Variants in GSTM5 observed in about 807,000 individuals in gnomAD.
The protein encoded by GSTM5 is GST class-mu 5.
Under a neutral mutation model 29.0 loss-of-function variants are expected in GSTM5, and 24 were observed. That is an observed-to-expected ratio of 0.83 (90% CI 0.60 to 1.16). The LOEUF (loss-of-function observed/expected upper bound fraction) is 1.16, where lower values mean the gene tolerates loss of function less well. Ranked by LOEUF, GSTM5 falls within the 50% of genes most tolerant of loss-of-function variation. The pLI is 0.00. For synonymous variants in GSTM5, 91 were observed against 93.6 expected (o/e 0.97, Z 0.16); for missense variants, 290 against 263.0 (o/e 1.10, Z -0.71).
chr1:109,712,619 T>C lies in GSTM5; in HGVS notation c.38T>C (p.Leu13Pro), dbSNP rs61734547. ...MTLGYWDIRG[L>P]AHAIRLLLEY... is the part of the protein sequence containing the mutation. ...CGAGCCGCGGGCCATCTCTCCCAGC[T>C]GGCCCACGCCATCCGCTTGCTCCTG... The change falls in exon 2 of 8, where the codon CTG becomes CCG. Residue 13 changes from leucine (L) to proline (P), a missense_variant and splice_region_variant. Physicochemically the swap from Leu to Pro is moderately conservative, Grantham distance 98. Coordinates refer to ENST00000256593, the MANE Select transcript of GSTM5 (RefSeq NM_000851.4). The C allele has an allele frequency of 3.1e-6, 5 of 1,613,824 alleles. No homozygotes were observed. The highest frequency in any genetic ancestry group is 1.7e-4 in the Middle Eastern group (1 of 5,990).
chr1:109,715,479 G>T, intron 7 of GSTM5: 1 of 1,501,770 alleles, frequency 6.7e-7, no homozygotes, highest in Admixed American at 2.2e-5. Context: ...GAATGAGAGG[G>T]TCAGTCCTTT....
intron 1 of GSTM5, 66 bp from the exon 2 acceptor site, chr1:109,712,552 T>C (rs929166): frequency 6.4e-7 from 1 of 1,570,686 alleles, no homozygotes; most frequent in South Asian, 1.1e-5. Context: ...GCTGGCCTGG[T>C]GCAGAGAAAG....
At position 109,717,476 on chromosome 1, in the gene GSTM5, C is replaced by A. The variant is rs764970372; in HGVS notation, c.*50C>A. 3.0e-6 allele frequency: 4 copies of A among 1,329,864 alleles called. No individual in the cohort carries two copies. In the African/African-American group the frequency reaches 4.3e-5, roughly 14 times the overall value. The allele number at this position is 1,329,864 out of a possible 1,614,324, so 82.4% of individuals were successfully genotyped here. ...AGGGAGGAGCCAACCTTGCTGCCTG[C>A]GACCCTGGAGGACAGCCTGACTCCC... On this transcript the variant is annotated 3_prime_UTR_variant, in exon 8 of 8. Transcript: ENST00000256593.
In GSTM5 at chr1:109,715,233, G is replaced by T; in HGVS notation, c.560G>T (p.Arg187Leu). ...CTAAACTTGAAGGACTTCATCTCCC[G>T]CTTTGAGGTGATGCCCCCATCCTCC... is the stretch of plus-strand genomic sequence containing the variant. ...AFLNLKDFIS[R>L]FEGLKKISAY... The change falls in exon 7 of 8, where the codon CGC becomes CTC. Residue 187 changes from arginine (R) to leucine (L), a missense_variant. Transcript: ENST00000256593. 1 of 1,614,162 alleles carries T rather than the reference G, an allele frequency of 6.2e-7. No individual in the cohort carries two copies.
At chr1:109,712,500 G>A (rs1570648765) in intron 1 of GSTM5, 118 bp from the exon 2 acceptor site, 1 of 1,319,226 alleles carries the variant, frequency 7.6e-7, no homozygotes, top group East Asian at 2.3e-5. Context: ...GGGGGTGGGG[G>A]CGGGTAGAGG....
chr1:109,714,916 T>G, intron 5 of GSTM5, 31 bp from the exon 6 acceptor site: 1 of 1,612,038 alleles, frequency 6.2e-7, no homozygotes, highest in Non-Finnish European at 8.5e-7. Flanking sequence ...AGCTTTTGTC[T>G]GAGGGTGGTG....
At position 109,714,730 on chromosome 1, in the gene GSTM5, G is replaced by A. The variant is rs1570650969; in HGVS notation, c.361-217G>A. ...GCCAGTGAGGACAGATTCAGGAAGA[G>A]CATCTCATTCTGATCACTTCAGATA... On this transcript the variant is annotated intron_variant, in intron 5 of 7. Coordinates refer to ENST00000256593, the MANE Select transcript of GSTM5 (RefSeq NM_000851.4). The A allele has an allele frequency of 5.0e-6, 3 of 601,422 alleles. No homozygotes were observed. The Admixed American group carries it at 8.9e-5, about 18-fold the overall frequency. 37.3% of individuals were successfully genotyped at this position (601,422 alleles called of 1,614,324 possible).
Position 109,712,467 on chromosome 1 carries a change from T to G in GSTM5, c.36+119T>G. On this transcript the variant is annotated intron_variant, in intron 1 of 7. Coordinates refer to ENST00000256593, the MANE Select transcript of GSTM5 (RefSeq NM_000851.4). ...GGGCTGCCCGCCTCAGAAGGGCCTG[T>G]GCATGACGCTGTGTGTGTGTTTGGG... 3.1e-6 allele frequency: 4 copies of G among 1,298,708 alleles called. No individual in the cohort carries two copies. The Admixed American group carries it at 6.9e-5, about 22-fold the overall frequency. 80.4% of individuals were successfully genotyped at this position (1,298,708 alleles called of 1,614,324 possible).
chr1:109,715,831 G>T (rs1557972663), intron 7 of GSTM5: 4 of 458,694 alleles, frequency 8.7e-6, no homozygotes, highest in South Asian at 3.5e-5. Context: ...TACATATGTG[G>T]GTGCCCCTGT....
chr1:109,714,196 T>C (rs1648668520), intron 5 of GSTM5: 1 of 161,238 alleles, frequency 6.2e-6, no homozygotes, highest in South Asian at 1.8e-4. Context: ...CCACCAATCT[T>C]AGGACACGAT....
intron 3 of GSTM5, 61 bp from the exon 4 acceptor site, chr1:109,713,423 G>A (rs779598590): frequency 2.5e-6 from 4 of 1,608,196 alleles, no homozygotes; most frequent in Middle Eastern, 1.7e-4. Flanking sequence ...TTGCATATGG[G>A]AAGGGGATGC....
chr1:109,712,235 C>T, upstream of GSTM5: 1 of 1,493,622 alleles, frequency 6.7e-7, no homozygotes, highest in East Asian at 2.3e-5. Flanking sequence ...AAGGCCCCGC[C>T]TGTCCCCTCC....
At chr1:109,717,133 G>GCGAA in intron 7 of GSTM5, 1 of 340,714 alleles carries the variant, frequency 2.9e-6, no homozygotes, top group South Asian at 6.4e-5. Context: ...AATGGTAGCT[G>GCGAA]TTATTATGGT....
In GSTM5 at chr1:109,717,424, T is replaced by C. The variant is rs1557973412; in HGVS notation, c.655T>C (p.Ter219GlnextTer61). 1 of 1,611,544 alleles carries C rather than the reference T, an allele frequency of 6.2e-7. No individual in the cohort carries two copies. Among genetic ancestry groups the C allele is most frequent in the Admixed American group, 1.7e-5 (1 of 59,994 alleles). The change falls in exon 8 of 8, where the codon TAG becomes CAG. Residue 219 changes from the stop codon to glutamine (Q), a stop_lost. Coordinates refer to ENST00000256593, the MANE Select transcript of GSTM5 (RefSeq NM_000851.4). ...AAAGTCAGCTACATGGAACAGCAAA[T>C]AGGGCCCAGTGATGCCAGAAGATGG... Reference protein sequence around the residue: ...FGKSATWNSK* With the variant: ...FGKSATWNSKQ
Position 109,712,273 on chromosome 1 carries a change from C to T in GSTM5, c.-40C>T, listed in dbSNP as rs1648543818. ...GGCCTCTCAAAGTCTGAGCCCCGCT[C>T]CGCTGATGCCTGTCTGCAGAATCCG... On this transcript the variant is annotated 5_prime_UTR_variant, in exon 1 of 8. Transcript: ENST00000256593. 1.2e-6 allele frequency: 2 copies of T among 1,612,886 alleles called. No individual in the cohort carries two copies. The highest frequency in any genetic ancestry group is 1.7e-6 in the Non-Finnish European group (2 of 1,178,906).
upstream of GSTM5, among the ~76,000 whole-genome samples, chr1:109,712,068 C>A (rs1487159616): frequency 1.3e-5 from 2 of 152,184 alleles, no homozygotes; most frequent in African/African-American, 2.4e-5. Context: ...GAGGCCGAGC[C>A]CCGCTTTGGG....
intron 1 of GSTM5, 26 bp from the exon 2 acceptor site, chr1:109,712,592 C>T (rs200415768): frequency 8.1e-6 from 13 of 1,613,148 alleles, no homozygotes; most frequent in Middle Eastern, 1.7e-4. Flanking sequence ...CCATCTCTGA[C>T]CCGAGCCGCG....
At chr1:109,712,497 G>T (rs56306910) in intron 1 of GSTM5, 121 bp from the exon 2 acceptor site, 4 of 1,327,306 alleles carry the variant, frequency 3.0e-6, no homozygotes, top group Non-Finnish European at 3.3e-6. Flanking sequence ...TTTGGGGGTG[G>T]GGGCGGGTAG....
At chr1:109,717,267 G>T in intron 7 of GSTM5, 70 bp from the exon 8 acceptor site, 1 of 1,180,510 alleles carries the variant, frequency 8.5e-7, no homozygotes, top group Non-Finnish European at 1.3e-6. Context: ...GACCTGCTGT[G>T]CCTGCAGCAA....
Sources: allele counts gnomAD v4.1 joint callset (sites outside exome capture counted in the v4.1 genomes callset), GRCh38; gene constraint gnomAD v4.1.1; transcripts MANE v1.5; gene names NCBI Gene and HGNC (gene_info 2026-07-23, HGNC 2026-07-21).